Variants in PCDH20 observed in about 807,000 individuals in gnomAD.
PCDH20 encodes the protein protocadherin-20.
Under a neutral mutation model 39.7 loss-of-function variants are expected in PCDH20, and 18 were observed. The observed-to-expected ratio is 0.45, with a 90% confidence interval of 0.31 to 0.67. The LOEUF is 0.67. Among genes scored for constraint, PCDH20 ranks in the 30% least tolerant of loss-of-function variants. The pLI is 0.05. For missense variants in PCDH20, 1,161 were observed against 1,167.4 expected, an observed-to-expected ratio of 0.99 and a Z score of 0.08; for synonymous variants, 495 against 455.4, an observed-to-expected ratio of 1.09 and a Z score of -1.11.
rs1303168734 is a variant in PCDH20 at position 61,415,165 on chromosome 13, G to A, written c.-7C>T. 5.0e-6 allele frequency: 7 copies of A among 1,412,246 alleles called. No individual in the cohort carries two copies. In the Admixed American group the frequency reaches 8.2e-5, roughly 17 times the overall value. 87.5% of individuals were successfully genotyped at this position (1,412,246 alleles called of 1,614,324 possible). On this transcript the variant is annotated 5_prime_UTR_variant, in exon 1 of 2. Coordinates refer to ENST00000409204, the Ensembl canonical transcript of PCDH20. Reference sequence around the variant, plus strand: ...CATTCCCTCGGCCGCGCATTCCCTGGGAGGCTGCAGTCAGAGCGCTCTTGA... The same window carrying A: ...CATTCCCTCGGCCGCGCATTCCCTGAGAGGCTGCAGTCAGAGCGCTCTTGA...
exon 2 of PCDH20, chr13:61,413,004 T>C (rs2138019501): frequency 1.2e-6 from 2 of 1,614,218 alleles, no homozygotes; most frequent in South Asian, 1.1e-5. Flanking sequence ...CCTTAGATGC[T>C]TGTGGAACTT....
At chr13:61,413,897 G>A in exon 2 of PCDH20, 1 of 1,613,750 alleles carries the variant, frequency 6.2e-7, no homozygotes. Context: ...CTGTACAGAA[G>A]CTCGGTGGCC....
chr13:61,415,473 C>T lies in PCDH20; in HGVS notation c.-315G>A. ...CAGCCTCCTTCCTTGCCGCACCAGT[C>T]AGATGCCAAGTCCACAGGTTGCTAG... On this transcript the variant is annotated 5_prime_UTR_variant, in exon 1 of 2. The change abolishes the stop of an existing upstream ORF in the 5' untranslated region. Coordinates refer to ENST00000409204, the Ensembl canonical transcript of PCDH20. The T allele has an allele frequency of 3.8e-6, 1 of 263,066 alleles. No individual in the cohort carries two copies. Among genetic ancestry groups the T allele is most frequent in the Non-Finnish European group, 7.1e-6 (1 of 140,818 alleles). The allele number at this position is 263,066 out of a possible 1,614,324, so 16.3% of individuals were successfully genotyped here.
At chr13:61,412,277 T>C in exon 2 of PCDH20, 1 of 1,614,166 alleles carries the variant, frequency 6.2e-7, no homozygotes, top group Non-Finnish European at 8.5e-7. Context: ...GCTCTGACAG[T>C]GTATCTGTAC....
chr13:61,413,254 G>A, exon 2 of PCDH20: 2 of 1,614,110 alleles, frequency 1.2e-6, no homozygotes, highest in South Asian at 2.2e-5. Flanking sequence ...CTGGTCCTGG[G>A]TTTCCCTGTC....
At position 61,414,056 on chromosome 13, in the gene PCDH20, C is replaced by G. The variant is rs886182901; in HGVS notation, c.133-90G>C. The stretch of plus-strand genomic sequence containing the variant: ...CTAGCGCCCCTGTGATCCTTGCTGT[C>G]CCCATCCCCGTTCCCAGAAGCAAAA... On this transcript the variant is annotated intron_variant, in intron 1 of 1. Coordinates refer to ENST00000409204, the Ensembl canonical transcript of PCDH20. 2.1e-5 allele frequency: 25 copies of G among 1,196,670 alleles called. No individual in the cohort carries two copies. In the Middle Eastern group the frequency reaches 7.1e-4, roughly 34 times the overall value. 74.1% of individuals were successfully genotyped at this position (1,196,670 alleles called of 1,614,324 possible). A position where few individuals can be genotyped will look rare whatever the true frequency, so the allele number is the denominator to read the frequency against.
At chr13:61,413,089 G>T in exon 2 of PCDH20, 1 of 1,614,172 alleles carries the variant, frequency 6.2e-7, no homozygotes, top group African/African-American at 1.3e-5. Flanking sequence ...TGCAATTGGG[G>T]TGCCCACTGT....
chr13:61,412,967 C>T (rs1253026602), exon 2 of PCDH20: 2 of 1,614,018 alleles, frequency 1.2e-6, no homozygotes, highest in African/African-American at 1.3e-5. Context: ...TTAATGACTC[C>T]AGTGTTTTCA....
exon 2 of PCDH20, chr13:61,411,810 C>A: frequency 6.2e-7 from 1 of 1,614,100 alleles, no homozygotes; most frequent in Non-Finnish European, 8.5e-7. Flanking sequence ...CTTCTGTAAC[C>A]GGGGAGCCTG....
chr13:61,413,044 T>C (rs1370092432), exon 2 of PCDH20: 6 of 1,614,084 alleles, frequency 3.7e-6, no homozygotes, highest in Non-Finnish European at 4.2e-6. Flanking sequence ...AATTTGAGCA[T>C]TGGTCCCCAA....
exon 1 of PCDH20, chr13:61,415,058 G>A: frequency 6.4e-7 from 1 of 1,565,536 alleles, no homozygotes; most frequent in Non-Finnish European, 8.7e-7. Context: ...GCTGCTCCTG[G>A]GACGATGTAG....
At chr13:61,413,094 C>A in exon 2 of PCDH20, 1 of 1,614,144 alleles carries the variant, frequency 6.2e-7, no homozygotes, top group Non-Finnish European at 8.5e-7. Context: ...TTGGGGTGCC[C>A]ACTGTAGCAT....
chr13:61,412,134 A>G (rs1401721378), exon 2 of PCDH20: 17 of 1,614,042 alleles, frequency 1.1e-5, no homozygotes, highest in Middle Eastern at 1.6e-4. Context: ...CAATCTCACC[A>G]TAGCCTGGAA....
intron 1 of PCDH20, among the ~76,000 whole-genome samples, 153 bp from the exon 2 acceptor site, chr13:61,414,119 C>T (rs182726670): frequency 1.2e-4 from 19 of 152,152 alleles, no homozygotes; most frequent in Admixed American, 6.5e-4. Context: ...AACCCTGCTG[C>T]GAAGGAGAGA....
At chr13:61,414,034 G>A in intron 1 of PCDH20, 68 bp from the exon 2 acceptor site, 2 of 1,367,022 alleles carry the variant, frequency 1.5e-6, no homozygotes, top group East Asian at 2.5e-5. Context: ...AGAGAAACTA[G>A]CGCCCCTGTG....
At chr13:61,413,105 T>A in exon 2 of PCDH20, 1 of 1,614,036 alleles carries the variant, frequency 6.2e-7, no homozygotes, top group East Asian at 2.2e-5. Flanking sequence ...ACTGTAGCAT[T>A]CCCATACACA....
chr13:61,412,613 C>A (rs1203869622), exon 2 of PCDH20: 9 of 1,613,974 alleles, frequency 5.6e-6, no homozygotes, highest in Non-Finnish European at 4.2e-6. Context: ...AGCTCATAGT[C>A]CATAGGTTTT....
exon 2 of PCDH20, chr13:61,412,812 A>T (rs1174521616): frequency 1.2e-6 from 2 of 1,613,996 alleles, no homozygotes; most frequent in South Asian, 1.1e-5. Flanking sequence ...TTGCTATGTA[A>T]CGAGGGACAA....
At position 61,413,684 on chromosome 13, in the gene PCDH20, C is replaced by T. The variant is rs774722844; in HGVS notation, c.415G>A (p.Glu139Lys). 5 of 1,613,956 alleles carry T rather than the reference C, an allele frequency of 3.1e-6. No homozygotes were observed. In the African/African-American group the frequency reaches 5.3e-5, roughly 17 times the overall value. Residue 139 changes from glutamate to lysine, a missense_variant, in exon 2 of 2, where the codon GAG becomes AAG. By Grantham distance (56) the Glu-to-Lys change is moderately conservative. This residue lies in a region of PCDH20 where 401 missense variants were observed against 368.7 expected (regional missense o/e 1.09). Transcript: ENST00000409204. Reference sequence around the variant, plus strand: ...ATCTCCTGAGCTGAAGTGTGCAGCTCCCCAGAGCGGTTGTCTAGGGTCACG... The same window carrying T: ...ATCTCCTGAGCTGAAGTGTGCAGCTTCCCAGAGCGGTTGTCTAGGGTCACG...
Sources: gnomAD v4.1 joint callset for allele counts (sites outside exome capture counted in the v4.1 genomes callset) on GRCh38, gnomAD v4.1.1 for gene constraint, gnomAD v4.1.1 regional missense constraint, MANE v1.5 for transcripts, NCBI Gene and HGNC (gene_info 2026-07-23, HGNC 2026-07-21) for gene names.